ADAM11: variants seen among roughly 807,000 people sequenced by gnomAD.
The protein encoded by ADAM11 is ADAM metallopeptidase domain 11.
In ADAM11, 49 loss-of-function variants were observed where a neutral mutation model predicts 119.1. The ratio of observed to expected loss-of-function variants is 0.41; its 90% CI spans 0.33 to 0.52. The LOEUF (loss-of-function observed/expected upper bound fraction) is 0.52. ADAM11 is among the 20% of genes least tolerant of loss of function. The pLI, the probability that ADAM11 is intolerant of heterozygous loss-of-function variation, is 0.20. For synonymous variants in ADAM11, 364 were observed against 408.0 expected, an observed-to-expected ratio of 0.89 and a Z score of 1.30; for missense variants, 777 against 1,047.5, an observed-to-expected ratio of 0.74 and a Z score of 3.56.
In ADAM11 at chr17:44,775,039, G is replaced by A. The variant is rs967659715; in HGVS notation, c.1221-173G>A. Among the ~76,000 whole-genome samples the A allele has an allele frequency of 3.3e-5, 5 of 152,240 alleles. No individual in the cohort carries two copies. Among genetic ancestry groups the A allele is most frequent in the African/African-American group, 1.2e-4 (5 of 41,474 alleles). ...GCTGCGAGTCCCCAGGTTCAGCGGA[G>A]GGGATGGGAGCGACAGGGACAGGCG... On this transcript the variant is annotated intron_variant, in intron 14 of 26. Transcript: ENST00000200557. The surrounding 1 kb of genome is among the most constrained non-coding windows in gnomAD (Gnocchi z 7.5).
rs542564170 is a variant in ADAM11, at chr17:44,779,888, A to G, written c.*134A>G. The G allele has an allele frequency of 1.1e-5, 15 of 1,329,158 alleles. No homozygotes were observed. The highest frequency in any genetic ancestry group is 1.6e-5 in the Non-Finnish European group (15 of 948,274). 82.3% of individuals were successfully genotyped at this position (1,329,158 alleles called of 1,614,324 possible). On this transcript the variant is annotated 3_prime_UTR_variant, in exon 27 of 27. Coordinates refer to ENST00000200557, the MANE Select transcript of ADAM11 (RefSeq NM_002390.6). ...CAAACCCTTCAACTCCTGGCTCCGC[A>G]GGGGTTTGGGTGGGGGCTGTGGCCC...
chr17:44,774,058 T>C (rs1371291888), intron 11 of ADAM11, among the ~76,000 whole-genome samples: 1 of 150,886 alleles, frequency 6.6e-6, no homozygotes, highest in Non-Finnish European at 1.5e-5. Context: ...GCCACTGCAC[T>C]CCAACCTGGA....
chr17:44,772,353 G>C lies in ADAM11; in HGVS notation c.610+20G>C. On this transcript the variant is annotated intron_variant, in intron 7 of 26. Coordinates refer to ENST00000200557, the MANE Select transcript of ADAM11 (RefSeq NM_002390.6). This position sits in a 1 kb window ranked among gnomAD's most constrained non-coding sequence, Gnocchi z 4.5. ...AACCAGGTAAGGGAGGGAAGGGGGG[G>C]TGGGGAGGGGCCGGCTGTGCCCCCC... The C allele has an allele frequency of 1.3e-6, 2 of 1,584,674 alleles. No individual in the cohort carries two copies. The highest frequency in any genetic ancestry group is 8.6e-7 in the Non-Finnish European group (1 of 1,163,936).
chr17:44,771,394 A>T (rs1185972534), intron 4 of ADAM11, among the ~76,000 whole-genome samples, 190 bp from the exon 5 acceptor site: 1 of 152,072 alleles, frequency 6.6e-6, no homozygotes, highest in East Asian at 1.9e-4. Context: ...GAGGGCTAGG[A>T]ACTTGCCCAG....
Position 44,775,738 on chromosome 17 carries a change from A to T in ADAM11, c.1485+62A>T. On this transcript the variant is annotated intron_variant, in intron 17 of 26. Coordinates refer to ENST00000200557, the MANE Select transcript of ADAM11 (RefSeq NM_002390.6). The surrounding 1 kb of genome is among the most constrained non-coding windows in gnomAD (Gnocchi z 7.5). ...AGGAGGAGCGATTGGAGGCCTTCAT[A>T]TAAGGGGTGGGAGCTAGGGAGGGAA... 1 of 1,486,964 alleles carries T rather than the reference A, an allele frequency of 6.7e-7. No homozygotes were observed. The highest frequency in any genetic ancestry group is 2.4e-5 in the East Asian group (1 of 40,926). The allele number at this position is 1,486,964 out of a possible 1,614,324, so 92.1% of individuals were successfully genotyped here. A position where few individuals can be genotyped will look rare whatever the true frequency, so the allele number is the denominator to read the frequency against.
intron 1 of ADAM11, 21 bp downstream of exon 1, chr17:44,759,281 C>T (rs978566468): frequency 3.6e-6 from 5 of 1,376,786 alleles, no homozygotes; most frequent in Non-Finnish European, 3.7e-6. Context: ...CCCGCCCGGC[C>T]CCGGCGCCCC....
At position 44,759,253 on chromosome 17, in the gene ADAM11, C is replaced by A; in HGVS notation, c.54C>A (p.Pro18=). Residue 18 remains proline, a synonymous_variant, in exon 1 of 27, where the codon CCC becomes CCA. Transcript: ENST00000200557. ...CGGCTCTGCTGCTGTCGCTGCTCCC[C>A]ACGCCCGGTGAGTGACCCCCGCCCG... ...AFAALLLSLL[P]TPGLGTQGPA... 1 of 1,433,216 alleles carries A rather than the reference C, an allele frequency of 7.0e-7. No homozygotes were observed. Among genetic ancestry groups the A allele is most frequent in the Non-Finnish European group, 9.1e-7 (1 of 1,093,924 alleles). 88.8% of individuals were successfully genotyped at this position (1,433,216 alleles called of 1,614,324 possible).
In ADAM11 at chr17:44,772,598, G is replaced by C; in HGVS notation, c.678+132G>C. 8.0e-7 allele frequency: 1 copy of C among 1,251,002 alleles called. No homozygotes were observed. Among genetic ancestry groups the C allele is most frequent in the Non-Finnish European group, 1.1e-6 (1 of 904,284 alleles). The allele number at this position is 1,251,002 out of a possible 1,614,324, so 77.5% of individuals were successfully genotyped here. A position where few individuals can be genotyped will look rare whatever the true frequency, so the allele number is the denominator to read the frequency against. ...GGAAGGCTCAGATGGATGTGGCTGG[G>C]GGCCAGGGACCGTGTCTGGGAGAAG... On this transcript the variant is annotated intron_variant, in intron 8 of 26. Transcript: ENST00000200557. This position sits in a 1 kb window ranked among gnomAD's most constrained non-coding sequence, Gnocchi z 4.5.
Position 44,777,059 on chromosome 17 carries a change from A to T in ADAM11, c.1681+97A>T, listed in dbSNP as rs2049613255. On this transcript the variant is annotated intron_variant, in intron 20 of 26. Coordinates refer to ENST00000200557, the MANE Select transcript of ADAM11 (RefSeq NM_002390.6). This position sits in a 1 kb window ranked among gnomAD's most constrained non-coding sequence, Gnocchi z 5.1. The stretch of plus-strand genomic sequence containing the variant: ...CAGCTGAACAGGCCCCCAAGTGTGT[A>T]GCTCCCCAGGATCTCAGGGACCCAG... 1.3e-6 allele frequency: 2 copies of T among 1,547,634 alleles called. No individual in the cohort carries two copies. Among genetic ancestry groups the T allele is most frequent in the Admixed American group, 3.6e-5 (2 of 55,110 alleles).
rs1293887058 is a variant in ADAM11, at chr17:44,773,311, A to C, written c.876A>C (p.Thr292=). The C allele has an allele frequency of 6.2e-7, 1 of 1,613,800 alleles. No homozygotes were observed. Among genetic ancestry groups the C allele is most frequent in the African/African-American group, 1.3e-5 (1 of 74,858 alleles). The change falls in exon 11 of 27, where the codon ACA becomes ACC. Residue 292 remains threonine, a synonymous_variant. Coordinates refer to ENST00000200557, the MANE Select transcript of ADAM11 (RefSeq NM_002390.6). The surrounding 1 kb of genome is among the most constrained non-coding windows in gnomAD (Gnocchi z 4.6). The part of the protein sequence containing the change: ...NTRIVLVAME[T]WADGDKIQVQ... ...GCATCGTCCTGGTTGCCATGGAAACATGGGCAGATGGGGACAAGATCCAGG... is the reference window on the plus strand; with the variant it reads ...GCATCGTCCTGGTTGCCATGGAAACCTGGGCAGATGGGGACAAGATCCAGG...
At chr17:44,759,473 C>G in intron 1 of ADAM11, 2 of 1,250,714 alleles carry the variant, frequency 1.6e-6, no homozygotes, top group East Asian at 3.2e-5. Context: ...TGCCGCCGAC[C>G]GGCCAGCTCT....
rs2049547332 is a variant in ADAM11 at position 44,773,009 on chromosome 17, C to T, written c.754-5C>T. The T allele has an allele frequency of 6.2e-7, 1 of 1,614,096 alleles. No homozygotes were observed. Among genetic ancestry groups the T allele is most frequent in the Non-Finnish European group, 8.5e-7 (1 of 1,180,016 alleles). On this transcript the variant is annotated splice_region_variant and splice_polypyrimidine_tract_variant and intron_variant, in intron 9 of 26. Coordinates refer to ENST00000200557, the MANE Select transcript of ADAM11 (RefSeq NM_002390.6). The surrounding 1 kb of genome is among the most constrained non-coding windows in gnomAD (Gnocchi z 4.6). ...TGGCCCTCCTCCCATTCTTCTCTCT[C>T]CCAGTTCGAGCAGATGCGACAGTCG...
intron 1 of ADAM11, chr17:44,759,491 T>C: frequency 8.0e-7 from 1 of 1,246,518 alleles, no homozygotes; most frequent in Non-Finnish European, 1.0e-6. Flanking sequence ...TCTGCAGGTC[T>C]CTGCGGGTTT....
chr17:44,765,159 C>T, intron 2 of ADAM11, among the ~76,000 whole-genome samples: 1 of 147,010 alleles, frequency 6.8e-6, no homozygotes, highest in East Asian at 2.0e-4. Flanking sequence ...AATCCCGCTG[C>T]CCTCTTGATA....
rs1209094185 is a variant in ADAM11 at position 44,775,702 on chromosome 17, G to A, written c.1485+26G>A. 6.4e-7 allele frequency: 1 copy of A among 1,554,544 alleles called. No homozygotes were observed. Among genetic ancestry groups the A allele is most frequent in the Non-Finnish European group, 8.7e-7 (1 of 1,153,544 alleles). ...GTAAGCAGGACCGGCCGGGAGGCGG[G>A]GCCAGGACGCAGGAGGAGCGATTGG... On this transcript the variant is annotated intron_variant, in intron 17 of 26. Coordinates refer to ENST00000200557, the MANE Select transcript of ADAM11 (RefSeq NM_002390.6). The surrounding 1 kb of genome is among the most constrained non-coding windows in gnomAD (Gnocchi z 7.5).
At position 44,774,728 on chromosome 17, in the gene ADAM11, G is replaced by T. The variant is rs752258438; in HGVS notation, c.1199G>T (p.Gly400Val). The change falls in exon 14 of 27, where the codon GGC (glycine) becomes GTC (valine). Residue 400 changes from glycine (G) to valine (V), a missense_variant. Around this residue, in one of 4 missense-constraint regions of ADAM11, gnomAD observed 4 missense variants for 27.4 expected, o/e 0.15. Transcript: ENST00000200557. ...GDCKCPDIWL[G>V]CIMEDTGFYL... ...TGCAAGTGTCCAGACATCTGGCTGGGCTGCATCATGGAGGACACTGGGTGA... is the reference window on the plus strand; with the variant it reads ...TGCAAGTGTCCAGACATCTGGCTGGTCTGCATCATGGAGGACACTGGGTGA... 1.3e-6 allele frequency: 2 copies of T among 1,592,848 alleles called. No individual in the cohort carries two copies. Among genetic ancestry groups the T allele is most frequent in the South Asian group, 2.3e-5 (2 of 88,132 alleles).
Position 44,759,759 on chromosome 17 carries a change from G to C in ADAM11, c.99G>C (p.Trp33Cys), listed in dbSNP as rs770843486. The change falls in exon 2 of 27, where the codon TGG (tryptophan) becomes TGC (cysteine). Residue 33 changes from tryptophan to cysteine, a missense_variant. Transcript: ENST00000200557. ...AAGGTCCTGCTGGAGCTCTGCGATG[G>C]GGGGGCTTACCCCAGCTGGGAGGCC... ...GTQGPAGALR[W>C]GGLPQLGGPG... The C allele has an allele frequency of 2.3e-6, 3 of 1,325,680 alleles. No homozygotes were observed. The highest frequency in any genetic ancestry group is 2.9e-6 in the Non-Finnish European group (3 of 1,030,356). The allele number at this position is 1,325,680 out of a possible 1,614,324, so 82.1% of individuals were successfully genotyped here.
intron 2 of ADAM11, among the ~76,000 whole-genome samples, chr17:44,760,892 G>A (rs1325391056): frequency 1.3e-5 from 2 of 152,086 alleles, no homozygotes; most frequent in African/African-American, 4.8e-5. Flanking sequence ...GGGGATGCGG[G>A]GTGGTGCAGG....
At chr17:44,759,688 G>A in intron 1 of ADAM11, 34 bp from the exon 2 acceptor site, 1 of 1,315,110 alleles carries the variant, frequency 7.6e-7, no homozygotes, top group African/African-American at 1.5e-5. Flanking sequence ...CCCAGGGTGG[G>A]CAGCTGCCTG....
Sources: gnomAD v4.1 joint callset for allele counts (sites outside exome capture counted in the v4.1 genomes callset) on GRCh38, gnomAD v4.1.1 for gene constraint, gnomAD v4.1.1 regional missense constraint, Gnocchi (gnomAD v3.1) non-coding constraint, MANE v1.5 for transcripts, NCBI Gene and HGNC (gene_info 2026-07-23, HGNC 2026-07-21) for gene names.